Variants in TENM2 observed in about 807,000 individuals in gnomAD.
The protein encoded by TENM2 is teneurin transmembrane protein 2, also known as teneurin-2.
TENM2 carries 52 observed loss-of-function variants against 245.2 expected under a neutral mutation model. That is an observed-to-expected ratio of 0.21 (90% confidence interval 0.17 to 0.27). TENM2 has a LOEUF of 0.27. TENM2 is among the 10% of genes least tolerant of loss of function. The pLI is 1.00. For missense variants in TENM2, 3,046 were observed against 3,666.8 expected, an observed-to-expected ratio of 0.83 and a Z score of 4.37; for synonymous variants, 1,363 against 1,438.9, an observed-to-expected ratio of 0.95 and a Z score of 1.19.
At chr5:167,641,860 C>T (rs751895470) in intron 2 of TENM2, among the ~76,000 whole-genome samples, 3 of 152,034 alleles carry the variant, frequency 2.0e-5, no homozygotes, top group Non-Finnish European at 4.4e-5. Context: ...ATAACACTCA[C>T]GGCAGAGCGT....
chr5:167,190,178 A>G, the TENM2 span, among the ~76,000 whole-genome samples: 51 of 152,242 alleles, frequency 3.3e-4, no homozygotes, highest in African/African-American at 1.2e-3. Context: ...TCCATTGACA[A>G]GAGTATAATG....
intron 9 of TENM2, among the ~76,000 whole-genome samples, chr5:168,116,215 C>T (rs1290469419): frequency 1.3e-5 from 2 of 152,164 alleles, no homozygotes; most frequent in East Asian, 1.9e-4. Flanking sequence ...ATGATCCCTA[C>T]ATTTAGACAG....
intron 2 of TENM2, among the ~76,000 whole-genome samples, chr5:167,628,196 C>T (rs1390596447): frequency 1.3e-5 from 2 of 152,182 alleles, no homozygotes; most frequent in Non-Finnish European, 2.9e-5. Context: ...AGGTCTTCAG[C>T]CCTCTTCTGT....
intron 1 of TENM2, among the ~76,000 whole-genome samples, chr5:167,316,881 C>T (rs1158804190): frequency 6.6e-6 from 1 of 152,154 alleles, no homozygotes; most frequent in African/African-American, 2.4e-5. Flanking sequence ...GTAAAGAGTT[C>T]TGCTTTATTG....
intron 2 of TENM2, among the ~76,000 whole-genome samples, chr5:167,785,441 G>A (rs995653136): frequency 2.6e-5 from 4 of 152,142 alleles, no homozygotes; most frequent in African/African-American, 7.2e-5. Context: ...TTCAGACCTA[G>A]AGAGTAGCTA....
intron 1 of TENM2, among the ~76,000 whole-genome samples, chr5:167,304,618 CTG>C (rs890861652): frequency 1.8e-4 from 27 of 152,082 alleles, no homozygotes; most frequent in South Asian, 1.0e-3. Context: ...CCATAAGAAA[CTG>C]TGTGATTTTT....
intron 1 of TENM2, among the ~76,000 whole-genome samples, chr5:167,324,647 A>G (rs1756979557): frequency 1.3e-5 from 2 of 152,098 alleles, no homozygotes; most frequent in Non-Finnish European, 1.5e-5. Context: ...CATTGGGACC[A>G]CGATGTATTT....
At chr5:167,333,372 ATTAT>A (rs1363459381) in intron 1 of TENM2, among the ~76,000 whole-genome samples, 1 of 152,144 alleles carries the variant, frequency 6.6e-6, no homozygotes, top group East Asian at 1.9e-4. Flanking sequence ...CTCTCGTAAG[ATTAT>A]TTAATGAGAT....
intron 2 of TENM2, among the ~76,000 whole-genome samples, chr5:167,481,334 T>A (rs116452839): frequency 0.013 from 2,041 of 152,300 alleles, 56 homozygotes; most frequent in African/African-American, 0.047. Context: ...ATCCTTTTTT[T>A]AGAAAAATGT....
the TENM2 span, among the ~76,000 whole-genome samples, chr5:167,036,597 G>A: frequency 6.6e-6 from 1 of 151,980 alleles, no homozygotes; most frequent in African/African-American, 2.4e-5. Flanking sequence ...ATTCTATTGA[G>A]ATGCAAATAC....
At chr5:167,747,305 G>A (rs1378344641) in intron 2 of TENM2, among the ~76,000 whole-genome samples, 1 of 152,118 alleles carries the variant, frequency 6.6e-6, no homozygotes, top group Non-Finnish European at 1.5e-5. Context: ...TAAATGGAAA[G>A]CCCTTCCTTC....
At chr5:167,352,948 G>A (rs1759019798) in intron 1 of TENM2, among the ~76,000 whole-genome samples, 1 of 152,200 alleles carries the variant, frequency 6.6e-6, no homozygotes. Context: ...TCCCTGGACA[G>A]GATCTATGAC....
At chr5:168,205,581 C>G (rs142078869) in intron 19 of TENM2, among the ~76,000 whole-genome samples, 1 of 152,012 alleles carries the variant, frequency 6.6e-6, no homozygotes, top group Non-Finnish European at 1.5e-5. Context: ...GAGTGATAGA[C>G]GTCAGCCATG....
At chr5:168,082,783 C>G (rs1297579180) in intron 7 of TENM2, among the ~76,000 whole-genome samples, 1 of 152,148 alleles carries the variant, frequency 6.6e-6, no homozygotes, top group Non-Finnish European at 1.5e-5. Flanking sequence ...TGAAGAACAA[C>G]AAATGTTGCT....
chr5:167,181,620 T>A, the TENM2 span, among the ~76,000 whole-genome samples: 1 of 152,258 alleles, frequency 6.6e-6, no homozygotes, highest in Admixed American at 6.5e-5. Context: ...AAAGAAATAA[T>A]GTTGCATAAA....
At chr5:167,911,024 C>T (rs753691166) in intron 3 of TENM2, among the ~76,000 whole-genome samples, 2 of 152,030 alleles carry the variant, frequency 1.3e-5, no homozygotes, top group African/African-American at 2.4e-5. Context: ...GCTCAAAAAA[C>T]GTAAACTTCT....
At chr5:167,484,877 C>CAT (rs1757841021) in intron 2 of TENM2, among the ~76,000 whole-genome samples, 1 of 152,180 alleles carries the variant, frequency 6.6e-6, no homozygotes, top group South Asian at 2.1e-4. Flanking sequence ...AAAGATATTG[C>CAT]ATGCTAAGTG....
intron 9 of TENM2, among the ~76,000 whole-genome samples, chr5:168,103,150 C>T (rs1043874298): frequency 4.0e-5 from 6 of 151,644 alleles, no homozygotes; most frequent in African/African-American, 9.7e-5. Context: ...TTTGTCCTTG[C>T]GATAGTTTGC....
At chr5:167,780,079 T>C (rs1764088557) in intron 2 of TENM2, among the ~76,000 whole-genome samples, 1 of 152,212 alleles carries the variant, frequency 6.6e-6, no homozygotes, top group African/African-American at 2.4e-5. Context: ...CGGGTGACTC[T>C]AGGTGGTTTA....
Sources: gnomAD v4.1 joint callset for allele counts (sites outside exome capture counted in the v4.1 genomes callset) on GRCh38, gnomAD v4.1.1 for gene constraint, MANE v1.5 for transcripts, NCBI Gene and HGNC (gene_info 2026-07-23, HGNC 2026-07-21) for gene names.